Variants in TSNARE1 observed in about 807,000 individuals in gnomAD.
The protein encoded by TSNARE1 is t-SNARE domain containing 1, also known as t-SNARE domain-containing protein 1.
In TSNARE1, 49 loss-of-function variants were observed where a neutral mutation model predicts 62.0. The ratio of observed to expected loss-of-function variants is 0.79; its 90% CI spans 0.63 to 1.00. The LOEUF is 1.00. Among genes scored for constraint, TSNARE1 ranks in the 50% least tolerant of loss-of-function variants. TSNARE1 has a pLI of 0.00. For synonymous variants in TSNARE1, 328 were observed against 294.4 expected, an observed-to-expected ratio of 1.11 and a Z score of -1.17; for missense variants, 755 against 700.1, an observed-to-expected ratio of 1.08 and a Z score of -0.88.
intron 1 of TSNARE1, among the ~76,000 whole-genome samples, chr8:142,376,181 C>T (rs530536010): frequency 2.8e-4 from 43 of 152,298 alleles, no homozygotes; most frequent in African/African-American, 1.0e-3. Flanking sequence ...AATTTGCACC[C>T]CGCAGGGCTA....
rs535078777 is a variant in TSNARE1, at chr8:142,291,755, G to A, written c.1291-7270C>T. Among the ~76,000 whole-genome samples the A allele has an allele frequency of 1.3e-5, 2 of 152,294 alleles. No homozygotes were observed. Among genetic ancestry groups the A allele is most frequent in the East Asian group, 3.9e-4 (2 of 5,158 alleles). Reference sequence around the variant, plus strand: ...GCGGCAGGGGTTAGAGGACACCCCTGGAGTCAGGGCCTGCCAGTGAAAGGG... The same window carrying A: ...GCGGCAGGGGTTAGAGGACACCCCTAGAGTCAGGGCCTGCCAGTGAAAGGG... On this transcript the variant is annotated intron_variant, in intron 10 of 13. Coordinates refer to ENST00000524325, the MANE Select transcript of TSNARE1 (RefSeq NM_145003.5). This position sits in a 1 kb window ranked among gnomAD's most constrained non-coding sequence, Gnocchi z 4.8.
rs1335240825 is a variant in TSNARE1 at position 142,345,808 on chromosome 8, C to T, written c.173G>A (p.Gly58Glu). The part of the protein sequence containing the change: ...PESKLQNRCV[G>E]KDGEGDLGPA... ...CCCCAGATCACCTTCCCCGTCCTTCCCCACACAGCGGTTCTGCAGCTTGCT... is the reference window on the plus strand; with the variant it reads ...CCCCAGATCACCTTCCCCGTCCTTCTCCACACAGCGGTTCTGCAGCTTGCT... Residue 58 changes from glycine (G) to glutamate (E), a missense_variant, in exon 3 of 14, where the codon GGG (glycine) becomes GAG (glutamate). Physicochemically the swap from Gly to Glu is moderately conservative, Grantham distance 98 (BLOSUM62 -2). Coordinates refer to ENST00000524325, the MANE Select transcript of TSNARE1 (RefSeq NM_145003.5). 6.2e-7 allele frequency: 1 copy of T among 1,613,938 alleles called. No homozygotes were observed. Among genetic ancestry groups the T allele is most frequent in the Non-Finnish European group, 8.5e-7 (1 of 1,179,904 alleles).
At chr8:142,357,441 G>A (rs927071423) in intron 1 of TSNARE1, among the ~76,000 whole-genome samples, 4 of 152,218 alleles carry the variant, frequency 2.6e-5, no homozygotes. Flanking sequence ...CCTGACACAA[G>A]ACTTGTGTTT....
chr8:142,219,530 G>A (rs1408642898), intron 13 of TSNARE1, among the ~76,000 whole-genome samples: 2 of 152,224 alleles, frequency 1.3e-5, no homozygotes, highest in Non-Finnish European at 2.9e-5. Context: ...ACCCGGCCAG[G>A]TGGGGACTCA....
intron 1 of TSNARE1, among the ~76,000 whole-genome samples, chr8:142,356,594 A>C (rs1158986428): frequency 6.6e-6 from 1 of 152,216 alleles, no homozygotes; most frequent in African/African-American, 2.4e-5. Flanking sequence ...AGCGTGGAGG[A>C]AACAGACACT....
chr8:142,376,773 G>A (rs1203165234), intron 1 of TSNARE1, among the ~76,000 whole-genome samples: 1 of 152,178 alleles, frequency 6.6e-6, no homozygotes, highest in Non-Finnish European at 1.5e-5. Flanking sequence ...GTAACCCCGA[G>A]TGGCAGACCC....
At chr8:142,222,189 C>T (rs1563754658) in intron 13 of TSNARE1, among the ~76,000 whole-genome samples, 1 of 86,758 alleles carries the variant, frequency 1.2e-5, no homozygotes, top group Non-Finnish European at 2.3e-5. Context: ...CATCCACTCA[C>T]TCATTCACTC....
intron 11 of TSNARE1, among the ~76,000 whole-genome samples, chr8:142,283,022 A>G (rs534940304): frequency 2.3e-4 from 34 of 148,672 alleles, no homozygotes; most frequent in African/African-American, 8.4e-4. Context: ...AGGCGGGGTC[A>G]GTGTCTGCCA....
chr8:142,288,608 C>G (rs932234726), intron 10 of TSNARE1, among the ~76,000 whole-genome samples: 1 of 152,246 alleles, frequency 6.6e-6, no homozygotes, highest in African/African-American at 2.4e-5. Flanking sequence ...AGCCGGCACT[C>G]GCGGAGCCAC....
Position 142,363,650 on chromosome 8 carries a change from C to A in TSNARE1, c.-39-8887G>T, listed in dbSNP as rs536760275. 4.6e-5 allele frequency among the ~76,000 whole-genome samples: 7 copies of A among 152,240 alleles called. No homozygotes were observed. The East Asian group carries it at 1.4e-3, about 30-fold the overall frequency. On this transcript the variant is annotated intron_variant, in intron 1 of 13. Coordinates refer to ENST00000524325, the MANE Select transcript of TSNARE1 (RefSeq NM_145003.5). ...CTCACCCTGAGGGCCAGACAGACAC[C>A]ACGAACTGGTCCCCACAGGAGCCTT...
chr8:142,378,722 G>A (rs1193922463), intron 1 of TSNARE1, among the ~76,000 whole-genome samples: 1 of 152,198 alleles, frequency 6.6e-6, no homozygotes, highest in African/African-American at 2.4e-5. Context: ...AGGTAACAAG[G>A]AGACAACCTC....
At chr8:142,227,021 C>A (rs1428588601) in intron 13 of TSNARE1, among the ~76,000 whole-genome samples, 249 of 132,480 alleles carry the variant, frequency 1.9e-3, no homozygotes, top group African/African-American at 7.8e-3. Context: ...ACAGCCAAGC[C>A]CCCCACTGCA....
chr8:142,253,265 G>A (rs781608105), intron 12 of TSNARE1, among the ~76,000 whole-genome samples: 8 of 152,220 alleles, frequency 5.3e-5, no homozygotes, highest in Admixed American at 2.0e-4. Flanking sequence ...AAGCAGGGCC[G>A]CTGGGCCACC....
At chr8:142,353,890 G>GCCTGGCA (rs1834454212) in intron 2 of TSNARE1, among the ~76,000 whole-genome samples, 1 of 108,680 alleles carries the variant, frequency 9.2e-6, no homozygotes, top group African/African-American at 5.0e-5. Flanking sequence ...TGAGCCCGAG[G>GCCTGGCA]CCTGGCACTG....
chr8:142,384,527 G>A (rs912929771), intron 1 of TSNARE1, among the ~76,000 whole-genome samples: 6 of 152,166 alleles, frequency 3.9e-5, no homozygotes, highest in African/African-American at 1.4e-4. Context: ...AAGCCCTGGT[G>A]TATACATGGT....
intron 12 of TSNARE1, among the ~76,000 whole-genome samples, chr8:142,255,236 G>A (rs1482050932): frequency 6.6e-6 from 1 of 151,920 alleles, no homozygotes; most frequent in Admixed American, 6.6e-5. Context: ...CCTATGCAGT[G>A]CCTAGTATGG....
intron 1 of TSNARE1, among the ~76,000 whole-genome samples, chr8:142,357,986 A>G (rs1339902820): frequency 6.7e-6 from 1 of 149,798 alleles, no homozygotes; most frequent in East Asian, 2.0e-4. Flanking sequence ...CAAGGGGAGC[A>G]GCCAGCGGCC....
intron 1 of TSNARE1, among the ~76,000 whole-genome samples, chr8:142,374,854 C>T (rs1836206132): frequency 6.6e-6 from 1 of 152,064 alleles, no homozygotes; most frequent in Admixed American, 6.5e-5. Flanking sequence ...GGGGAACAGG[C>T]GCTGGCCTCG....
At chr8:142,261,208 G>C (rs1563787010) in intron 12 of TSNARE1, among the ~76,000 whole-genome samples, 1 of 119,730 alleles carries the variant, frequency 8.4e-6, no homozygotes, top group Non-Finnish European at 1.8e-5. Context: ...GAAGGGAGGG[G>C]AGAGGGAGGA....
Sources: gnomAD v4.1 joint callset for allele counts (sites outside exome capture counted in the v4.1 genomes callset) on GRCh38, gnomAD v4.1.1 for gene constraint, Gnocchi (gnomAD v3.1) non-coding constraint, MANE v1.5 for transcripts, NCBI Gene and HGNC (gene_info 2026-07-23, HGNC 2026-07-21) for gene names.